Variants in SSX1 observed in about 807,000 individuals in gnomAD.
SSX1 encodes protein SSX1.
A neutral mutation model predicts 14.6 loss-of-function variants in SSX1; 58 were observed. That is an observed-to-expected ratio of 3.96 (90% CI 3.21 to 4.93). The LOEUF (loss-of-function observed/expected upper bound fraction) is 4.93, where lower values mean the gene tolerates loss of function less well. Among genes scored for constraint, SSX1 ranks in the 30% most tolerant of loss-of-function variants. The pLI, the probability that SSX1 is intolerant of heterozygous loss-of-function variation, is 0.00. For missense variants in SSX1, 272 were observed against 143.1 expected, an observed-to-expected ratio of 1.90 and a Z score of -4.60; for synonymous variants, 46 against 52.1, an observed-to-expected ratio of 0.88 and a Z score of 0.50.
At chrX:48,262,906 C>T (rs781907846) in intron 5 of SSX1, among the ~76,000 whole-genome samples, 7 of 110,263 alleles carry the variant, frequency 6.3e-5, no homozygotes, top group African/African-American at 2.0e-4. Context: ...GAGGTTGAGG[C>T]GGGCAGATTA....
chrX:48,257,719 T>G lies in SSX1; in HGVS notation c.70-27T>G, dbSNP rs782482575. 8 of 1,183,497 alleles carry G rather than the reference T, an allele frequency of 6.8e-6. No homozygotes were observed. In the East Asian group the frequency reaches 2.4e-4, roughly 36 times the overall value. On this transcript the variant is annotated intron_variant, in intron 2 of 7. Transcript: ENST00000376919. ...TGGCAGACATACCTAGCTGAGTCACTGACAAATTTTATTTTATTTTTTTTA... is the reference window on the plus strand; with the variant it reads ...TGGCAGACATACCTAGCTGAGTCACGGACAAATTTTATTTTATTTTTTTTA...
chrX:48,266,513 A>G, intron 7 of SSX1, 122 bp downstream of exon 7: 1 of 1,124,879 alleles, frequency 8.9e-7, no homozygotes, highest in Non-Finnish European at 1.2e-6. Flanking sequence ...TCTACTGTAC[A>G]GCATTGAGGC....
chrX:48,261,838 G>T (rs1556935541), intron 5 of SSX1, 23 bp downstream of exon 5: 1 of 1,206,955 alleles, frequency 8.3e-7, no homozygotes, highest in East Asian at 3.0e-5. Context: ...CAAATCTAAA[G>T]GACCAGAGAA....
chrX:48,263,460 G>C (rs1330477387), intron 5 of SSX1, among the ~76,000 whole-genome samples: 9 of 82,370 alleles, frequency 1.1e-4, no homozygotes, highest in African/African-American at 3.4e-4. Flanking sequence ...TCCTTTTGTA[G>C]ACCTTGTGAA....
In SSX1 at chrX:48,257,311, G is replaced by A. The variant is rs139158089; in HGVS notation, c.69+1G>A. 6.6e-6 allele frequency: 8 copies of A among 1,208,598 alleles called. No homozygotes were observed. Among genetic ancestry groups the A allele is most frequent in the Non-Finnish European group, 6.7e-6 (6 of 894,447 alleles). On this transcript the variant is annotated splice_donor_variant, in intron 2 of 7. Coordinates refer to ENST00000376919, the MANE Select transcript of SSX1 (RefSeq NM_005635.4). LOFTEE classifies it high-confidence loss of function. ...TAAAGCATCAGAGAAGAGAAGCAAGGTGACGTGACCTGGAGGGGGCAGAGC... is the reference window on the plus strand; with the variant it reads ...TAAAGCATCAGAGAAGAGAAGCAAGATGACGTGACCTGGAGGGGGCAGAGC...
chrX:48,267,104 G>A lies in SSX1; in HGVS notation c.*255G>A. ...AATTGATGAGCAAGACATACTGAAT[G>A]CATATTTCGGTTTGTGTATCCATGC... On this transcript the variant is annotated 3_prime_UTR_variant, in exon 8 of 8. Coordinates refer to ENST00000376919, the MANE Select transcript of SSX1 (RefSeq NM_005635.4). The A allele has an allele frequency of 2.5e-6, 1 of 406,412 alleles. No individual in the cohort carries two copies. Among genetic ancestry groups the A allele is most frequent in the Non-Finnish European group, 4.3e-6 (1 of 230,514 alleles). 33.5% of individuals were successfully genotyped at this position (406,412 alleles called of 1,213,427 possible).
At chrX:48,266,102 G>C (rs1188934998) in intron 6 of SSX1, among the ~76,000 whole-genome samples, 185 bp from the exon 7 acceptor site, 1 of 112,107 alleles carries the variant, frequency 8.9e-6, no homozygotes, top group Non-Finnish European at 1.9e-5. Flanking sequence ...AACATTAATT[G>C]GTATTTGTCG....
chrX:48,266,824 A>T, intron 7 of SSX1, 30 bp from the exon 8 acceptor site: 2 of 943,626 alleles, frequency 2.1e-6, no homozygotes, highest in Non-Finnish European at 1.5e-6. Context: ...ACTCGCTGTC[A>T]CTTACTTTCC....
chrX:48,264,188 T>A (rs141917627), intron 6 of SSX1, among the ~76,000 whole-genome samples: 1 of 112,260 alleles, frequency 8.9e-6, no homozygotes, highest in Non-Finnish European at 1.9e-5. Flanking sequence ...GAATCATAGT[T>A]CGTAAATTGT....
At position 48,263,841 on chromosome X, in the gene SSX1, T is replaced by C. The variant is rs1396794308; in HGVS notation, c.390T>C (p.Ser130=). The change falls in exon 6 of 8, where the codon TCT becomes TCC. Residue 130 remains serine (S), a synonymous_variant. Coordinates refer to ENST00000376919, the MANE Select transcript of SSX1 (RefSeq NM_005635.4). The part of the protein sequence containing the change: ...ENDSKGVSEA[S]GPQNDGKQLH... ...ATTCGAAGGGAGTGTCAGAAGCATC[T>C]GGCCCACAAAACGATGGGAAACAAC... The C allele has an allele frequency of 2.5e-6, 3 of 1,211,817 alleles. No homozygotes were observed. Among genetic ancestry groups the C allele is most frequent in the African/African-American group, 1.7e-5 (1 of 57,891 alleles).
chrX:48,262,547 T>C (rs1185049185), intron 5 of SSX1, among the ~76,000 whole-genome samples: 20 of 111,034 alleles, frequency 1.8e-4, no homozygotes, highest in South Asian at 3.8e-4. Flanking sequence ...TTGAGCTCCT[T>C]GAGGGCTTTG....
In SSX1 at chrX:48,257,325, A is replaced by G; in HGVS notation, c.69+15A>G. On this transcript the variant is annotated intron_variant, in intron 2 of 7. Transcript: ENST00000376919. ...AGAGAAGCAAGGTGACGTGACCTGGAGGGGGCAGAGCAGTGGTCCAGGGGA... is the reference window on the plus strand; with the variant it reads ...AGAGAAGCAAGGTGACGTGACCTGGGGGGGGCAGAGCAGTGGTCCAGGGGA... 1 of 1,208,959 alleles carries G rather than the reference A, an allele frequency of 8.3e-7. No individual in the cohort carries two copies. The highest frequency in any genetic ancestry group is 1.8e-5 in the South Asian group (1 of 56,790).
At chrX:48,255,567 C>G (rs1182593453) in intron 1 of SSX1, 135 bp downstream of exon 1, 1 of 107,513 alleles carries the variant, frequency 9.3e-6, no homozygotes, top group Non-Finnish European at 1.9e-5. Flanking sequence ...CCTTTCAGGA[C>G]GATCATCATG....
At chrX:48,263,659 G>A (rs1556935893) in intron 5 of SSX1, 123 bp from the exon 6 acceptor site, 2 of 993,808 alleles carry the variant, frequency 2.0e-6, no homozygotes, top group East Asian at 3.2e-5. Context: ...TTAGGCAAGT[G>A]TAACTCTCCC....
chrX:48,261,893 T>A, intron 5 of SSX1, 78 bp downstream of exon 5: 1 of 1,112,566 alleles, frequency 9.0e-7, no homozygotes, highest in Non-Finnish European at 1.2e-6. Flanking sequence ...ACAGGGAGAA[T>A]ATCAAAAACG....
At chrX:48,259,786 A>G (rs1208540991) in intron 4 of SSX1, among the ~76,000 whole-genome samples, 4 of 107,998 alleles carry the variant, frequency 3.7e-5, no homozygotes, top group Non-Finnish European at 1.9e-5. Flanking sequence ...TGAACTCATC[A>G]TTTTTTATGG....
In SSX1 at chrX:48,264,494, T is replaced by G. The variant is rs1464996876; in HGVS notation, c.466+577T>G. Among the ~76,000 whole-genome samples the G allele has an allele frequency of 3.6e-5, 4 of 112,670 alleles. No homozygotes were observed. In the East Asian group the frequency reaches 1.1e-3, roughly 31 times the overall value. The stretch of plus-strand genomic sequence containing the variant: ...GTACATACCTTAATTTTAAAATAAT[T>G]TATTGTTAAAAAATGCTAACAATCT... On this transcript the variant is annotated intron_variant, in intron 6 of 7. Coordinates refer to ENST00000376919, the MANE Select transcript of SSX1 (RefSeq NM_005635.4).
At position 48,257,229 on chromosome X, in the gene SSX1, T is replaced by A. The variant is rs376894529; in HGVS notation, c.-13T>A. On this transcript the variant is annotated 5_prime_UTR_variant, in exon 2 of 8. Transcript: ENST00000376919. Reference sequence around the variant, plus strand: ...AGGCTGTTTCTCTTGCAGGTGAGACTGCTCCTGGTGCCATGAACGGAGACG... The same window carrying A: ...AGGCTGTTTCTCTTGCAGGTGAGACAGCTCCTGGTGCCATGAACGGAGACG... 1 of 1,210,779 alleles carries A rather than the reference T, an allele frequency of 8.3e-7. No individual in the cohort carries two copies. The highest frequency in any genetic ancestry group is 1.7e-5 in the African/African-American group (1 of 57,807).
At chrX:48,262,153 C>T (rs1569451674) in intron 5 of SSX1, among the ~76,000 whole-genome samples, 1 of 112,341 alleles carries the variant, frequency 8.9e-6, no homozygotes, top group Admixed American at 9.5e-5. Context: ...AGCCATGTGA[C>T]TTGGCACAAA....
Sources: gnomAD v4.1 joint callset for allele counts (sites outside exome capture counted in the v4.1 genomes callset) on GRCh38, gnomAD v4.1.1 for gene constraint, MANE v1.5 for transcripts, NCBI Gene and HGNC (gene_info 2026-07-23, HGNC 2026-07-21) for gene names.